Variants in SCLY observed in about 807,000 individuals in gnomAD.
SCLY encodes selenocysteine lyase.
In SCLY, 38 loss-of-function variants were observed where a neutral mutation model predicts 50.1. That is an observed-to-expected ratio of 0.76 (90% CI 0.59 to 0.99). SCLY has a LOEUF of 0.99. SCLY is among the 50% of genes least tolerant of loss of function. The pLI is 0.00. For synonymous variants in SCLY, 243 were observed against 249.4 expected (o/e 0.97, Z 0.24); for missense variants, 600 against 620.0 (o/e 0.97, Z 0.34).
intron 8 of SCLY, chr2:238,091,981 C>T (rs1377269840): frequency 1.3e-5 from 2 of 152,286 alleles, no homozygotes; most frequent in Non-Finnish European, 2.9e-5. Context: ...GGCTTAGCGC[C>T]CAGGAGGCCG....
intron 7 of SCLY, among the ~76,000 whole-genome samples, chr2:238,084,872 TGACAGAGA>T (rs1284382133): frequency 8.0e-6 from 1 of 124,432 alleles, no homozygotes; most frequent in East Asian, 2.3e-4. Flanking sequence ...CCAGCCTGGG[TGACAGAGA>T]GAGACTCCAT....
At chr2:238,075,977 C>T (rs2262616) in intron 4 of SCLY, among the ~76,000 whole-genome samples, 42,218 of 150,612 alleles carry the variant, frequency 0.28, 6,374 homozygotes, top group East Asian at 0.52. Flanking sequence ...ACAAGCTTAG[C>T]GTTCCAATAA....
chr2:238,070,551 G>A (rs891845472), intron 4 of SCLY, among the ~76,000 whole-genome samples: 9 of 152,056 alleles, frequency 5.9e-5, no homozygotes, highest in Non-Finnish European at 8.8e-5. Context: ...ATGGTGGTAC[G>A]TGCCTGTAGT....
intron 7 of SCLY, among the ~76,000 whole-genome samples, chr2:238,084,835 A>G (rs1423147251): frequency 1.4e-5 from 2 of 145,706 alleles, no homozygotes; most frequent in Admixed American, 1.5e-4. Flanking sequence ...CGGAGGTTGC[A>G]CTGAGTCGAG....
chr2:238,063,642 A>C (rs1371893437), intron 1 of SCLY, among the ~76,000 whole-genome samples: 1 of 152,210 alleles, frequency 6.6e-6, no homozygotes, highest in Non-Finnish European at 1.5e-5. Context: ...AAAGAAACTG[A>C]AAGTGCAAGG....
chr2:238,086,134 T>G (rs1241070672), intron 7 of SCLY, among the ~76,000 whole-genome samples: 1 of 152,124 alleles, frequency 6.6e-6, no homozygotes, highest in East Asian at 1.9e-4. Flanking sequence ...GAGAAAACCG[T>G]CAAGCTAGAA....
chr2:238,086,145 T>A (rs544501950), intron 7 of SCLY, among the ~76,000 whole-genome samples: 1 of 152,356 alleles, frequency 6.6e-6, no homozygotes, highest in Non-Finnish European at 1.5e-5. Flanking sequence ...CAAGCTAGAA[T>A]CCTGTACCCA....
rs1559254583 is a variant in SCLY at position 238,098,608 on chromosome 2, ACCGCCCACATGGG to A, written c.*254_*266del. ...GCCCACATAGGACCGCCCACATAGGACCGCCCACATGGGACCGCCCACATGGGACCGCCCACAT... is the reference window on the plus strand; with the variant it reads ...GCCCACATAGGACCGCCCACATAGGAACCGCCCACATGGGACCGCCCACAT... On this transcript the variant is annotated 3_prime_UTR_variant, in exon 12 of 12. Coordinates refer to ENST00000254663, the MANE Select transcript of SCLY (RefSeq NM_016510.7). 674 of 412,058 alleles carry A rather than the reference ACCGCCCACATGGG, an allele frequency of 1.6e-3. 22 individuals are homozygous for A. The highest frequency in any genetic ancestry group is 7.5e-3 in the African/African-American group (339 of 45,388). 25.5% of individuals were successfully genotyped at this position (412,058 alleles called of 1,614,324 possible).
chr2:238,074,607 C>T (rs1369078004), intron 4 of SCLY, among the ~76,000 whole-genome samples: 1 of 152,158 alleles, frequency 6.6e-6, no homozygotes, highest in Admixed American at 6.5e-5. Context: ...CCTCAGCCTC[C>T]CAAGTAGCTG....
At chr2:238,070,349 A>G (rs1159631288) in intron 4 of SCLY, among the ~76,000 whole-genome samples, 2 of 152,206 alleles carry the variant, frequency 1.3e-5, no homozygotes, top group Non-Finnish European at 2.9e-5. Context: ...ACTGTGGCCA[A>G]ACTGCTTGGT....
Position 238,081,975 on chromosome 2 carries a change from C to A in SCLY, c.613-70C>A, listed in dbSNP as rs2065242414. ...GATAACATTTGGCCTGCGCTCACTA[C>A]TCCTGATTTCTGTCATTCAGTTTTC... On this transcript the variant is annotated intron_variant, in intron 5 of 11. Coordinates refer to ENST00000254663, the MANE Select transcript of SCLY (RefSeq NM_016510.7). 2.5e-6 allele frequency: 4 copies of A among 1,582,858 alleles called. No individual in the cohort carries two copies. The South Asian group carries it at 4.6e-5, about 18-fold the overall frequency.
At chr2:238,077,957 T>C (rs2252328) in intron 4 of SCLY, among the ~76,000 whole-genome samples, 42,586 of 139,776 alleles carry the variant, frequency 0.3, 6,264 homozygotes, top group East Asian at 0.51. Context: ...GATTCTCTTT[T>C]TTTTTTTTTT....
rs1691372119 is a variant in SCLY, at chr2:238,098,821, G to C, written c.*466G>C. On this transcript the variant is annotated 3_prime_UTR_variant, in exon 12 of 12. Transcript: ENST00000254663. ...CTCATTGTCAGCCAAATGCTATCAT[G>C]AACGTAGGAAACTTGATTTTTTTGT... The C allele has an allele frequency of 3.1e-6, 1 of 324,880 alleles. No homozygotes were observed. The highest frequency in any genetic ancestry group is 2.2e-5 in the African/African-American group (1 of 45,492). The allele number at this position is 324,880 out of a possible 1,614,324, so 20.1% of individuals were successfully genotyped here.
intron 4 of SCLY, chr2:238,079,766 T>C (rs903177421): frequency 2.0e-5 from 3 of 152,214 alleles, no homozygotes; most frequent in African/African-American, 7.2e-5. Flanking sequence ...GTGAATGTCT[T>C]TGTGTTTTAT....
chr2:238,098,137 AG>A (rs754627870), intron 11 of SCLY, 64 bp from the exon 12 acceptor site: 24 of 1,566,630 alleles, frequency 1.5e-5, no homozygotes, highest in East Asian at 4.5e-5. Context: ...GGTCCAGAGC[AG>A]GGGGGGCTGT....
chr2:238,098,210 C>T lies in SCLY; in HGVS notation c.1193C>T (p.Pro398Leu), dbSNP rs1296272666. 1.9e-6 allele frequency: 3 copies of T among 1,610,608 alleles called. No homozygotes were observed. Among genetic ancestry groups the T allele is most frequent in the East Asian group, 2.2e-5 (1 of 44,840 alleles). ...CHSDHGDQPS[P>L]VLLSYGVPFD... ...GGTCTCGCCCTCCCCAGGCCGTCCCCAGTGCTGCTGAGCTACGGTGTCCCC... is the reference window on the plus strand; with the variant it reads ...GGTCTCGCCCTCCCCAGGCCGTCCCTAGTGCTGCTGAGCTACGGTGTCCCC... Residue 398 changes from proline to leucine, a missense_variant, in exon 12 of 12, where the codon CCA (proline) becomes CTA (leucine). Transcript: ENST00000254663.
In SCLY at chr2:238,098,595, C is replaced by CCGCCCACATGGGACCGCCCACATGGGAA. The variant is rs1559254494; in HGVS notation, c.*249_*250insGGGACCGCCCACATGGGAACGCCCACAT. 3.2e-5 allele frequency: 9 copies of CCGCCCACATGGGACCGCCCACATGGGAA among 284,376 alleles called. 1 individual carries two copies. Among genetic ancestry groups the CCGCCCACATGGGACCGCCCACATGGGAA allele is most frequent in the East Asian group, 2.7e-4 (5 of 18,314 alleles). 17.6% of individuals were successfully genotyped at this position (284,376 alleles called of 1,614,324 possible). Reference sequence around the variant, plus strand: ...CCCACATGGGACCGCCCACATAGGACCGCCCACATAGGACCGCCCACATGG... The same window carrying CCGCCCACATGGGACCGCCCACATGGGAA: ...CCCACATGGGACCGCCCACATAGGACCGCCCACATGGGACCGCCCACATGGGAACGCCCACATAGGACCGCCCACATGG... On this transcript the variant is annotated 3_prime_UTR_variant, in exon 12 of 12. Coordinates refer to ENST00000254663, the MANE Select transcript of SCLY (RefSeq NM_016510.7).
chr2:238,066,501 C>A lies in SCLY; in HGVS notation c.203-1564C>A. ...GGTGCCCAAAATGTATTTGGGTTTT[C>A]GAGGCATTACTTTGTCCACTATGTG... On this transcript the variant is annotated intron_variant, in intron 2 of 11. Coordinates refer to ENST00000254663, the MANE Select transcript of SCLY (RefSeq NM_016510.7). This position sits in a 1 kb window ranked among gnomAD's most constrained non-coding sequence, Gnocchi z 4.1. Among the ~76,000 whole-genome samples, 1 of 152,230 alleles carries A rather than the reference C, an allele frequency of 6.6e-6. No individual in the cohort carries two copies. Among genetic ancestry groups the A allele is most frequent in the East Asian group, 1.9e-4 (1 of 5,188 alleles).
At chr2:238,064,717 G>C (rs1411723954) in intron 2 of SCLY, 1 of 278,158 alleles carries the variant, frequency 3.6e-6, no homozygotes, top group Non-Finnish European at 6.8e-6. Context: ...CCCTTTCCCA[G>C]ATGAGAAAGG....
Sources: allele counts gnomAD v4.1 joint callset (sites outside exome capture counted in the v4.1 genomes callset), GRCh38; gene constraint gnomAD v4.1.1; non-coding constraint Gnocchi (gnomAD v3.1); transcripts MANE v1.5; gene names NCBI Gene and HGNC (gene_info 2026-07-23, HGNC 2026-07-21).